EYS: variants seen among roughly 807,000 people sequenced by gnomAD.
The protein encoded by EYS is protein eyes shut homolog.
A neutral mutation model predicts 282.1 loss-of-function variants in EYS; 250 were observed. The observed-to-expected ratio is 0.89, with a 90% CI of 0.80 to 0.98. EYS has a LOEUF of 0.98. Ranked by LOEUF, EYS falls within the 50% of genes least tolerant of loss-of-function variation. The pLI, the probability that EYS is intolerant of heterozygous loss-of-function variation, is 0.00. For missense variants in EYS, 4,016 were observed against 3,709.0 expected, an observed-to-expected ratio of 1.08 and a Z score of -2.15; for synonymous variants, 1,355 against 1,282.9, an observed-to-expected ratio of 1.06 and a Z score of -1.20.
intron 22 of EYS, among the ~76,000 whole-genome samples, chr6:64,716,306 C>T (rs138963656): frequency 6.6e-5 from 10 of 152,282 alleles, no homozygotes; most frequent in Middle Eastern, 3.4e-3. Context: ...TTTCCTGGCA[C>T]GTAATCATTC....
chr6:65,361,204 C>T (rs1764691755), intron 8 of EYS, among the ~76,000 whole-genome samples: 1 of 151,552 alleles, frequency 6.6e-6, no homozygotes, highest in African/African-American at 2.4e-5. Flanking sequence ...CACACCGGGG[C>T]CTGTTGTGAG....
intron 26 of EYS, among the ~76,000 whole-genome samples, chr6:64,549,737 T>C (rs938350546): frequency 6.7e-6 from 1 of 148,740 alleles, no homozygotes; most frequent in Non-Finnish European, 1.5e-5. Context: ...TGAAATCTTT[T>C]TTTTTTTTTT....
At chr6:64,533,337 A>G (rs1038545458) in intron 26 of EYS, among the ~76,000 whole-genome samples, 3 of 152,206 alleles carry the variant, frequency 2.0e-5, no homozygotes, top group Non-Finnish European at 4.4e-5. Flanking sequence ...TGAAAAGCAT[A>G]AATCTATAGT....
chr6:64,578,208 T>C (rs906749874), intron 26 of EYS, among the ~76,000 whole-genome samples: 7 of 152,010 alleles, frequency 4.6e-5, no homozygotes, highest in African/African-American at 1.7e-4. Context: ...CTGGAATAAG[T>C]CTTTATTTCC....
chr6:64,111,498 C>A (rs968222554), intron 31 of EYS, among the ~76,000 whole-genome samples: 7 of 151,806 alleles, frequency 4.6e-5, no homozygotes, highest in Admixed American at 2.6e-4. Flanking sequence ...CTGAGGGCAA[C>A]AATTTTTTTT....
chr6:65,376,912 C>A (rs1240360475), intron 8 of EYS, among the ~76,000 whole-genome samples: 2 of 152,134 alleles, frequency 1.3e-5, no homozygotes, highest in African/African-American at 4.8e-5. Context: ...TAGACTCCCT[C>A]ACAGTAATAG....
At chr6:64,939,175 G>A (rs1246262929) in intron 15 of EYS, among the ~76,000 whole-genome samples, 1 of 151,688 alleles carries the variant, frequency 6.6e-6, no homozygotes, top group Non-Finnish European at 1.5e-5. Flanking sequence ...TGAATATAAT[G>A]TTCATATTAA....
chr6:65,232,458 C>T (rs1370108598), intron 12 of EYS, among the ~76,000 whole-genome samples: 1 of 152,010 alleles, frequency 6.6e-6, no homozygotes, highest in Non-Finnish European at 1.5e-5. Context: ...GTCCAAATTT[C>T]TTAACATGCT....
At chr6:64,410,185 CT>C (rs1199867701) in intron 28 of EYS, among the ~76,000 whole-genome samples, 1 of 152,078 alleles carries the variant, frequency 6.6e-6, no homozygotes, top group Non-Finnish European at 1.5e-5. Context: ...TTTTAGGGTC[CT>C]GGCTAACATT....
At chr6:64,274,292 A>G (rs1459321317) in intron 30 of EYS, among the ~76,000 whole-genome samples, 1 of 152,038 alleles carries the variant, frequency 6.6e-6, no homozygotes, top group African/African-American at 2.4e-5. Flanking sequence ...CTTCTGCATC[A>G]GCTTCCGGAG....
At chr6:63,723,423 T>C (rs1321852437) in intron 42 of EYS, among the ~76,000 whole-genome samples, 3 of 152,202 alleles carry the variant, frequency 2.0e-5, no homozygotes, top group Non-Finnish European at 4.4e-5. Context: ...AAACCAGTTA[T>C]CTTTTGCAAG....
chr6:65,117,891 A>T (rs1775424069), intron 12 of EYS, among the ~76,000 whole-genome samples: 1 of 152,174 alleles, frequency 6.6e-6, no homozygotes, highest in African/African-American at 2.4e-5. Context: ...AAATATTTTG[A>T]GGAGGCTGTG....
At chr6:64,686,787 A>ATATATG (rs1263403462) in intron 22 of EYS, among the ~76,000 whole-genome samples, 23 of 12,982 alleles carry the variant, frequency 1.8e-3, no homozygotes, top group African/African-American at 3.0e-3. Flanking sequence ...ATATATATAT[A>ATATATG]TGTGTGTATA....
chr6:64,492,820 C>G (rs1163371518), intron 26 of EYS, among the ~76,000 whole-genome samples: 2 of 151,170 alleles, frequency 1.3e-5, no homozygotes, highest in Admixed American at 6.6e-5. Context: ...AGCAGAGATA[C>G]AGTAAAAGGA....
intron 30 of EYS, among the ~76,000 whole-genome samples, chr6:64,274,968 T>G (rs1032406965): frequency 1.3e-5 from 2 of 152,228 alleles, no homozygotes; most frequent in African/African-American, 4.8e-5. Context: ...TGATTTCAGC[T>G]GTTTTCTTCA....
At chr6:65,281,047 AAAAAG>A (rs1768206898) in intron 12 of EYS, among the ~76,000 whole-genome samples, 3 of 148,394 alleles carry the variant, frequency 2.0e-5, no homozygotes, top group South Asian at 4.2e-4. Flanking sequence ...AAAAAAAAAA[AAAAAG>A]AAAAGAAAAG....
At chr6:64,542,873 T>C (rs934846250) in intron 26 of EYS, among the ~76,000 whole-genome samples, 1 of 152,136 alleles carries the variant, frequency 6.6e-6, no homozygotes, top group African/African-American at 2.4e-5. Context: ...GAAGAGGTTC[T>C]AATGCAAGAT....
intron 12 of EYS, among the ~76,000 whole-genome samples, chr6:65,140,457 GA>G (rs1334032418): frequency 6.6e-6 from 1 of 151,862 alleles, no homozygotes; most frequent in Non-Finnish European, 1.5e-5. Context: ...ACTTGAGGGG[GA>G]AGTTTAAAAA....
chr6:64,193,234 A>G (rs1453275624), intron 31 of EYS, among the ~76,000 whole-genome samples: 2 of 152,186 alleles, frequency 1.3e-5, no homozygotes, highest in East Asian at 1.9e-4. Flanking sequence ...TATTTACAAG[A>G]CAGTGTTCCA....
Sources: allele counts gnomAD v4.1 joint callset (sites outside exome capture counted in the v4.1 genomes callset), GRCh38; gene constraint gnomAD v4.1.1; transcripts MANE v1.5; gene names NCBI Gene and HGNC (gene_info 2026-07-23, HGNC 2026-07-21).